Variants in TMCO4 observed in about 807,000 individuals in gnomAD.
TMCO4 encodes the protein transmembrane and coiled-coil domains 4.
In TMCO4, 58 loss-of-function variants were observed where a neutral mutation model predicts 64.7. The ratio of observed to expected loss-of-function variants is 0.90; its 90% CI spans 0.73 to 1.12. The LOEUF (loss-of-function observed/expected upper bound fraction) is 1.12. Among genes scored for constraint, TMCO4 ranks in the 50% most tolerant of loss-of-function variants. TMCO4 has a pLI of 0.00. For synonymous variants in TMCO4, 325 were observed against 346.1 expected (o/e 0.94, Z 0.68); for missense variants, 780 against 825.9 (o/e 0.94, Z 0.68).
At chr1:19,747,011 G>C in intron 8 of TMCO4, 152 bp downstream of exon 8, 1 of 721,902 alleles carries the variant, frequency 1.4e-6, no homozygotes, top group African/African-American at 1.8e-5. Flanking sequence ...TGACAGTGCT[G>C]ATGAGCACAC....
At chr1:19,776,297 G>A (rs1012234921) in intron 4 of TMCO4, among the ~76,000 whole-genome samples, 7 of 152,186 alleles carry the variant, frequency 4.6e-5, no homozygotes, top group African/African-American at 9.7e-5. Flanking sequence ...GGAAACATTC[G>A]AGAAGGAAAC....
intron 13 of TMCO4, among the ~76,000 whole-genome samples, chr1:19,709,041 A>G (rs2095316665): frequency 6.6e-6 from 1 of 152,204 alleles, no homozygotes; most frequent in Admixed American, 6.5e-5. Flanking sequence ...ATAGACACGT[A>G]GAGAGAGGCC....
At chr1:19,704,974 C>T (rs532621477) in intron 13 of TMCO4, among the ~76,000 whole-genome samples, 6 of 152,270 alleles carry the variant, frequency 3.9e-5, no homozygotes, top group Non-Finnish European at 8.8e-5. Context: ...CAGATGTACC[C>T]TTAGATTTTA....
At chr1:19,745,693 G>GC in intron 9 of TMCO4, 42 bp from the exon 10 acceptor site, 1 of 1,567,396 alleles carries the variant, frequency 6.4e-7, no homozygotes, top group African/African-American at 1.3e-5. Context: ...GGTGACTGGG[G>GC]CCCCGGGGAA....
chr1:19,742,268 C>G (rs757571101), intron 10 of TMCO4, among the ~76,000 whole-genome samples: 2 of 152,308 alleles, frequency 1.3e-5, no homozygotes, highest in Admixed American at 1.3e-4. Context: ...ATTTATGCAT[C>G]CTGTTTGACG....
At chr1:19,725,864 G>A (rs933710686) in intron 13 of TMCO4, among the ~76,000 whole-genome samples, 1 of 152,212 alleles carries the variant, frequency 6.6e-6, no homozygotes, top group African/African-American at 2.4e-5. Context: ...CGAGCACAGC[G>A]TGGTCACTGG....
intron 6 of TMCO4, among the ~76,000 whole-genome samples, chr1:19,762,877 G>T (rs1254831298): frequency 6.6e-6 from 1 of 152,118 alleles, no homozygotes; most frequent in South Asian, 2.1e-4. Flanking sequence ...AGAGATCATG[G>T]TCAATCCCCG....
intron 13 of TMCO4, 133 bp from the exon 14 acceptor site, chr1:19,701,018 G>A: frequency 1.4e-6 from 1 of 699,588 alleles, no homozygotes. Context: ...ACAATCATGT[G>A]CAAATGTGCA....
intron 13 of TMCO4, among the ~76,000 whole-genome samples, chr1:19,735,762 A>G (rs2095451277): frequency 6.6e-6 from 1 of 152,232 alleles, no homozygotes; most frequent in Admixed American, 6.5e-5. Flanking sequence ...GGAGGCAGAG[A>G]CATGCCCTCT....
intron 2 of TMCO4, among the ~76,000 whole-genome samples, chr1:19,797,102 A>G (rs1464829664): frequency 6.6e-6 from 1 of 152,076 alleles, no homozygotes; most frequent in Non-Finnish European, 1.5e-5. Flanking sequence ...GGACAATATC[A>G]TTTTATATAA....
Position 19,683,196 on chromosome 1 carries a change from C to T in TMCO4, c.1749G>A (p.Gln583=). 6.2e-7 allele frequency: 1 copy of T among 1,614,248 alleles called. No individual in the cohort carries two copies. The highest frequency in any genetic ancestry group is 8.5e-7 in the Non-Finnish European group (1 of 1,180,042). ...LAMSTDPSQA[Q]VPVGLDQSEG... ...CAGACTGGTCCAGCCCTACTGGCACCTGGGCTTGGCTGGGGTCTGTGGACA... is the reference window on the plus strand; with the variant it reads ...CAGACTGGTCCAGCCCTACTGGCACTTGGGCTTGGCTGGGGTCTGTGGACA... The change falls in exon 16 of 16, where the codon CAG becomes CAA. Residue 583 remains glutamine (Q), a synonymous_variant. Coordinates refer to ENST00000294543, the MANE Select transcript of TMCO4 (RefSeq NM_181719.7).
chr1:19,721,669 G>A (rs761663902), intron 13 of TMCO4, among the ~76,000 whole-genome samples: 2 of 152,074 alleles, frequency 1.3e-5, no homozygotes, highest in Non-Finnish European at 2.9e-5. Flanking sequence ...CATGCCTGTA[G>A]TCCCAGCTAC....
chr1:19,712,918 G>A (rs530439182), intron 13 of TMCO4, among the ~76,000 whole-genome samples: 2 of 152,340 alleles, frequency 1.3e-5, no homozygotes, highest in South Asian at 4.1e-4. Flanking sequence ...CCCACTGGGT[G>A]CACTCATGTG....
intron 13 of TMCO4, among the ~76,000 whole-genome samples, chr1:19,730,692 C>T (rs1029546302): frequency 1.3e-5 from 2 of 152,136 alleles, no homozygotes; most frequent in Non-Finnish European, 2.9e-5. Context: ...CAGAATCACC[C>T]CAAAAGGGAG....
intron 13 of TMCO4, among the ~76,000 whole-genome samples, chr1:19,736,147 G>A (rs911235098): frequency 3.9e-5 from 6 of 152,224 alleles, no homozygotes; most frequent in South Asian, 2.1e-4. Flanking sequence ...TGGAGAGGCC[G>A]TTTTGCAGCA....
chr1:19,749,622 C>T (rs1413179784), intron 7 of TMCO4, among the ~76,000 whole-genome samples: 2 of 152,226 alleles, frequency 1.3e-5, no homozygotes, highest in Non-Finnish European at 2.9e-5. Flanking sequence ...CCTGCCTCAG[C>T]CTCCCAAAGT....
At chr1:19,736,725 G>A (rs1246749507) in intron 13 of TMCO4, among the ~76,000 whole-genome samples, 1 of 152,224 alleles carries the variant, frequency 6.6e-6, no homozygotes, top group Non-Finnish European at 1.5e-5. Context: ...GCACAGAAAG[G>A]ATGACACTGG....
chr1:19,790,361 TATC>T (rs1315266813), intron 2 of TMCO4, among the ~76,000 whole-genome samples: 3 of 152,050 alleles, frequency 2.0e-5, no homozygotes, highest in African/African-American at 7.2e-5. Context: ...CAAAAGAAAC[TATC>T]ATCAGAGTGA....
In TMCO4 at chr1:19,683,730, A is replaced by G. The variant is rs1212209667; in HGVS notation, c.1501-286T>C. Reference sequence around the variant, plus strand: ...AATCTCCTGATAAACAGAAAGGTGGAGTAGAAGCTCTCGTTCTTTGTCTGA... The same window carrying G: ...AATCTCCTGATAAACAGAAAGGTGGGGTAGAAGCTCTCGTTCTTTGTCTGA... On this transcript the variant is annotated intron_variant, in intron 15 of 15. Coordinates refer to ENST00000294543, the MANE Select transcript of TMCO4 (RefSeq NM_181719.7). Among the ~76,000 whole-genome samples, 4 of 146,362 alleles carry G rather than the reference A, an allele frequency of 2.7e-5. No individual in the cohort carries two copies. The East Asian group carries it at 9.1e-4, about 33-fold the overall frequency.
Sources: gnomAD v4.1 joint callset for allele counts (sites outside exome capture counted in the v4.1 genomes callset) on GRCh38, gnomAD v4.1.1 for gene constraint, MANE v1.5 for transcripts, NCBI Gene and HGNC (gene_info 2026-07-23, HGNC 2026-07-21) for gene names.